Variants in SHOC2 observed in about 807,000 individuals in gnomAD.
The protein encoded by SHOC2 is leucine-rich repeat protein SHOC-2.
A neutral mutation model predicts 50.2 loss-of-function variants in SHOC2; 4 were observed. The ratio of observed to expected loss-of-function variants is 0.08; its 90% CI spans 0.04 to 0.18. SHOC2 has a LOEUF of 0.18. SHOC2 is among the 10% of genes least tolerant of loss of function. SHOC2 has a pLI of 1.00. For synonymous variants in SHOC2, 218 were observed against 244.5 expected, an observed-to-expected ratio of 0.89 and a Z score of 1.01; for missense variants, 388 against 669.6, an observed-to-expected ratio of 0.58 and a Z score of 4.64.
intron 1 of SHOC2, among the ~76,000 whole-genome samples, chr10:110,958,730 T>G (rs1847516256): frequency 6.7e-6 from 1 of 149,564 alleles, no homozygotes; most frequent in African/African-American, 2.4e-5. Flanking sequence ...CTAATTTTCT[T>G]TTTTTTTTTG....
intron 1 of SHOC2, among the ~76,000 whole-genome samples, chr10:110,962,645 C>A (rs907399938): frequency 2.6e-5 from 4 of 152,162 alleles, no homozygotes; most frequent in African/African-American, 9.6e-5. Flanking sequence ...GCACATTTGA[C>A]CATTTGCTTC....
At chr10:110,974,801 A>G (rs1214921918) in intron 2 of SHOC2, among the ~76,000 whole-genome samples, 1 of 152,108 alleles carries the variant, frequency 6.6e-6, no homozygotes, top group Non-Finnish European at 1.5e-5. Flanking sequence ...CCCTCCTTCC[A>G]TTCTTCGTAC....
At chr10:110,986,004 T>C (rs1039878970) in intron 3 of SHOC2, 8 of 471,330 alleles carry the variant, frequency 1.7e-5, no homozygotes, top group African/African-American at 1.2e-4. Context: ...GAGTTACATG[T>C]ATATATATTC....
intron 3 of SHOC2, among the ~76,000 whole-genome samples, chr10:110,994,642 A>G (rs1366156094): frequency 1.3e-5 from 2 of 152,232 alleles, no homozygotes; most frequent in East Asian, 3.8e-4. Context: ...GGGGAGAAGC[A>G]TATAGAATGA....
At chr10:110,935,164 C>T (rs1481807616) in intron 1 of SHOC2, among the ~76,000 whole-genome samples, 1 of 152,128 alleles carries the variant, frequency 6.6e-6, no homozygotes, top group Non-Finnish European at 1.5e-5. Context: ...TTGTTCTAGG[C>T]CCTGTTCTAA....
At chr10:110,931,968 C>T (rs1846904374) in intron 1 of SHOC2, among the ~76,000 whole-genome samples, 1 of 152,038 alleles carries the variant, frequency 6.6e-6, no homozygotes, top group Non-Finnish European at 1.5e-5. Flanking sequence ...GATAAGTGTT[C>T]TGTTAGGGGA....
chr10:111,003,520 G>C lies in SHOC2; in HGVS notation c.973-1086G>C, dbSNP rs527381643. On this transcript the variant is annotated intron_variant, in intron 4 of 8. Transcript: ENST00000369452. ...TGTTAACTTATTTATGTATTTTATC[G>C]CTTTTAGTCTTCACTATGGCCCATA... Among the ~76,000 whole-genome samples, 8 of 152,024 alleles carry C rather than the reference G, an allele frequency of 5.3e-5. No homozygotes were observed. In the East Asian group the frequency reaches 1.5e-3, roughly 29 times the overall value.
At chr10:110,948,035 A>G (rs890718177) in intron 1 of SHOC2, among the ~76,000 whole-genome samples, 26 of 152,310 alleles carry the variant, frequency 1.7e-4, no homozygotes, top group Non-Finnish European at 2.9e-4. Context: ...ATGGAAAAAG[A>G]TATTTCACGC....
intron 3 of SHOC2, among the ~76,000 whole-genome samples, chr10:110,994,871 C>A (rs560760454): frequency 2.0e-5 from 3 of 152,080 alleles, no homozygotes; most frequent in Non-Finnish European, 2.9e-5. Flanking sequence ...AGTTCCTTCC[C>A]GGCTGATACC....
intron 1 of SHOC2, among the ~76,000 whole-genome samples, chr10:110,943,491 A>G (rs569727668): frequency 2.6e-5 from 4 of 152,244 alleles, no homozygotes; most frequent in African/African-American, 9.6e-5. Flanking sequence ...CTTTAGTTCT[A>G]CAGGCATGTT....
chr10:111,000,518 G>A lies in SHOC2; in HGVS notation c.945G>A (p.Glu315=). ...GTGCACTTGAAGAATTAAATTTAGAGAACAATAACATTTCTACTTTACCAG... is the reference window on the plus strand; with the variant it reads ...GTGCACTTGAAGAATTAAATTTAGAAAACAATAACATTTCTACTTTACCAG... The part of the protein sequence containing the change: ...KCSALEELNL[E]NNNISTLPES... The change falls in exon 4 of 9, where the codon GAG becomes GAA. Residue 315 remains glutamate (E), a synonymous_variant. Coordinates refer to ENST00000369452, the MANE Select transcript of SHOC2 (RefSeq NM_007373.4). 6.2e-7 allele frequency: 1 copy of A among 1,610,808 alleles called. No homozygotes were observed. The highest frequency in any genetic ancestry group is 8.5e-7 in the Non-Finnish European group (1 of 1,177,396).
intron 1 of SHOC2, among the ~76,000 whole-genome samples, chr10:110,939,206 TA>T (rs1847089793): frequency 6.6e-6 from 1 of 152,086 alleles, no homozygotes; most frequent in South Asian, 2.1e-4. Context: ...TTTACTGCCT[TA>T]AAAATTTTAT....
chr10:110,922,601 A>G (rs964499645), intron 1 of SHOC2, among the ~76,000 whole-genome samples: 4 of 152,054 alleles, frequency 2.6e-5, no homozygotes, highest in African/African-American at 4.8e-5. Flanking sequence ...TTGGTTTACT[A>G]TATGATTCAT....
chr10:111,003,424 C>T (rs1848415059), intron 4 of SHOC2, among the ~76,000 whole-genome samples: 1 of 152,126 alleles, frequency 6.6e-6, no homozygotes, highest in South Asian at 2.1e-4. Flanking sequence ...TCCAGTTATT[C>T]CAGTTTTCCT....
intron 2 of SHOC2, among the ~76,000 whole-genome samples, chr10:110,976,749 A>G (rs528882726): frequency 6.6e-6 from 1 of 152,258 alleles, no homozygotes; most frequent in African/African-American, 2.4e-5. Context: ...GTCTGCTGTT[A>G]TTCTGATCTT....
intron 8 of SHOC2, among the ~76,000 whole-genome samples, chr10:111,011,126 A>T (rs1848559067): frequency 6.6e-6 from 1 of 152,202 alleles, no homozygotes; most frequent in South Asian, 2.1e-4. Context: ...TCTTAGTGAA[A>T]GGTTCATATT....
At chr10:110,942,412 G>A (rs986420100) in intron 1 of SHOC2, among the ~76,000 whole-genome samples, 68 of 152,132 alleles carry the variant, frequency 4.5e-4, no homozygotes, top group African/African-American at 1.4e-3. Context: ...TAGTGGCTCA[G>A]TCGTAGCTCA....
intron 4 of SHOC2, among the ~76,000 whole-genome samples, chr10:111,001,516 T>G (rs1280629526): frequency 6.6e-6 from 1 of 152,196 alleles, no homozygotes; most frequent in Admixed American, 6.5e-5. Flanking sequence ...ACTATTGACT[T>G]TCTTTTCCCA....
chr10:110,981,876 T>TATTTATTTATTTATTTTACTC (rs1554859803), intron 2 of SHOC2, among the ~76,000 whole-genome samples: 1 of 135,412 alleles, frequency 7.4e-6, no homozygotes, highest in African/African-American at 2.7e-5. Flanking sequence ...ATTTATTTTT[T>TATTTATTTATTTATTTTACTC]TAAGTTTTAG....
Sources: gnomAD v4.1 joint callset for allele counts (sites outside exome capture counted in the v4.1 genomes callset) on GRCh38, gnomAD v4.1.1 for gene constraint, MANE v1.5 for transcripts, NCBI Gene and HGNC (gene_info 2026-07-23, HGNC 2026-07-21) for gene names.